SLC9A9: variants seen among roughly 807,000 people sequenced by gnomAD.
SLC9A9 encodes sodium/hydrogen exchanger 9.
A neutral mutation model predicts 77.8 loss-of-function variants in SLC9A9; 62 were observed. The ratio of observed to expected loss-of-function variants is 0.80; its 90% CI spans 0.65 to 0.98. The LOEUF is 0.98. Among genes scored for constraint, SLC9A9 ranks in the 50% least tolerant of loss-of-function variants. The pLI, the probability that SLC9A9 is intolerant of heterozygous loss-of-function variation, is 0.00. For synonymous variants in SLC9A9, 320 were observed against 283.5 expected, an observed-to-expected ratio of 1.13 and a Z score of -1.29; for missense variants, 775 against 774.9, an observed-to-expected ratio of 1.00 and a Z score of 0.00.
intron 12 of SLC9A9, among the ~76,000 whole-genome samples, chr3:143,443,234 C>G (rs1338376355): frequency 1.3e-5 from 2 of 152,196 alleles, no homozygotes; most frequent in South Asian, 2.1e-4. Context: ...GGTTTAAAAT[C>G]ATTTGTCTCA....
At chr3:143,338,485 G>A (rs566685721) in intron 14 of SLC9A9, among the ~76,000 whole-genome samples, 12 of 152,200 alleles carry the variant, frequency 7.9e-5, no homozygotes, top group South Asian at 2.1e-4. Context: ...TAGACAGCTC[G>A]GTTTAATCAT....
At chr3:143,489,894 A>C (rs2035711147) in intron 11 of SLC9A9, among the ~76,000 whole-genome samples, 1 of 152,140 alleles carries the variant, frequency 6.6e-6, no homozygotes, top group South Asian at 2.1e-4. Context: ...AAATACACAA[A>C]TGGCTAGTAA....
At chr3:143,278,679 C>CG (rs111317732) in intron 14 of SLC9A9, among the ~76,000 whole-genome samples, 11,283 of 152,144 alleles carry the variant, frequency 0.074, 592 homozygotes, top group East Asian at 0.21. Context: ...CTTAGGGGCC[C>CG]GCCCTGTTCC....
intron 11 of SLC9A9, among the ~76,000 whole-genome samples, chr3:143,470,759 C>A (rs547985131): frequency 1.3e-5 from 2 of 152,096 alleles, no homozygotes; most frequent in East Asian, 1.9e-4. Flanking sequence ...ATATTAAGGG[C>A]AAGGAGGTAA....
At chr3:143,627,302 T>C (rs535913236) in intron 6 of SLC9A9, 2 of 194,994 alleles carry the variant, frequency 1.0e-5, no homozygotes, top group South Asian at 2.2e-4. Flanking sequence ...TTATACATGG[T>C]GCACTTACAG....
intron 12 of SLC9A9, among the ~76,000 whole-genome samples, chr3:143,389,180 AC>A (rs2033496060): frequency 6.6e-6 from 1 of 152,192 alleles, no homozygotes; most frequent in African/African-American, 2.4e-5. Context: ...TGAAATAATT[AC>A]ATTTATGTTT....
intron 4 of SLC9A9, among the ~76,000 whole-genome samples, chr3:143,777,548 A>T (rs957521417): frequency 2.6e-5 from 4 of 152,162 alleles, no homozygotes; most frequent in African/African-American, 9.7e-5. Flanking sequence ...TAAAGCTATA[A>T]CATAAAAATG....
chr3:143,443,270 T>G (rs553241603), intron 12 of SLC9A9, among the ~76,000 whole-genome samples: 1 of 152,224 alleles, frequency 6.6e-6, no homozygotes, highest in Non-Finnish European at 1.5e-5. Context: ...TTGTGACTTC[T>G]CAAAGCCACA....
rs1392368026 is a variant in SLC9A9, at chr3:143,266,749, A to G, written c.1891T>C (p.Tyr631His). Reference sequence around the variant, plus strand: ...AAAGTTTGCTCAAGCTTGAGTTCATAGCCTCCCAGGCCGAGGTCTCCCTCA... The same window carrying G: ...AAAGTTTGCTCAAGCTTGAGTTCATGGCCTCCCAGGCCGAGGTCTCCCTCA... ...IYEGDLGLGGYELKLEQTLGQ... is the reference protein window; with the variant it reads ...IYEGDLGLGGHELKLEQTLGQ... The change falls in exon 16 of 16, where the codon TAT becomes CAT. Residue 631 changes from tyrosine (Y) to histidine (H), a missense_variant. By Grantham distance (83) the Tyr-to-His change is moderately conservative (BLOSUM62 2). Coordinates refer to ENST00000316549, the MANE Select transcript of SLC9A9 (RefSeq NM_173653.4). 6.2e-7 allele frequency: 1 copy of G among 1,614,062 alleles called. No homozygotes were observed. Among genetic ancestry groups the G allele is most frequent in the Non-Finnish European group, 8.5e-7 (1 of 1,180,040 alleles).
chr3:143,324,386 C>T (rs574767518), intron 14 of SLC9A9, among the ~76,000 whole-genome samples: 19 of 152,318 alleles, frequency 1.2e-4, no homozygotes, highest in African/African-American at 4.6e-4. Flanking sequence ...TCAGTTGCAG[C>T]CAGGGACCTT....
chr3:143,333,092 G>A (rs1176219258), intron 14 of SLC9A9, among the ~76,000 whole-genome samples: 2 of 152,096 alleles, frequency 1.3e-5, no homozygotes, highest in African/African-American at 4.8e-5. Flanking sequence ...TCAAAACAAG[G>A]TCATCCTTAC....
chr3:143,556,358 C>T (rs993933206), intron 8 of SLC9A9, among the ~76,000 whole-genome samples: 3 of 152,194 alleles, frequency 2.0e-5, no homozygotes, highest in Non-Finnish European at 4.4e-5. Context: ...GTGATCCTGG[C>T]ACAGGGGCCC....
At chr3:143,493,995 G>A (rs1163414869) in intron 10 of SLC9A9, among the ~76,000 whole-genome samples, 3 of 152,124 alleles carry the variant, frequency 2.0e-5, no homozygotes, top group Non-Finnish European at 4.4e-5. Context: ...CTTTAAAATT[G>A]TTAGCCCAAT....
intron 6 of SLC9A9, among the ~76,000 whole-genome samples, chr3:143,598,589 C>A (rs1469395180): frequency 1.3e-5 from 2 of 152,194 alleles, no homozygotes; most frequent in African/African-American, 2.4e-5. Flanking sequence ...AAAAAGACAC[C>A]GTCTTCCTCC....
chr3:143,583,616 T>C (rs1435377289), intron 6 of SLC9A9, among the ~76,000 whole-genome samples: 1 of 152,228 alleles, frequency 6.6e-6, no homozygotes, highest in Non-Finnish European at 1.5e-5. Context: ...TATCTCAGTT[T>C]CTATAAAATG....
intron 10 of SLC9A9, among the ~76,000 whole-genome samples, chr3:143,494,453 T>C (rs980388495): frequency 1.3e-5 from 2 of 152,204 alleles, no homozygotes; most frequent in South Asian, 4.1e-4. Context: ...CCTTTTAAAA[T>C]CCAGGTTTTG....
At chr3:143,760,779 T>C (rs978660791) in intron 4 of SLC9A9, among the ~76,000 whole-genome samples, 13 of 152,198 alleles carry the variant, frequency 8.5e-5, no homozygotes, top group African/African-American at 3.1e-4. Flanking sequence ...AGGTAATTTA[T>C]AGATTCAATG....
At chr3:143,647,222 C>T (rs934277922) in intron 6 of SLC9A9, among the ~76,000 whole-genome samples, 11 of 152,080 alleles carry the variant, frequency 7.2e-5, no homozygotes, top group African/African-American at 2.7e-4. Flanking sequence ...GTAACTTGCC[C>T]AAGGTAACGT....
intron 14 of SLC9A9, among the ~76,000 whole-genome samples, chr3:143,297,194 G>A (rs899495941): frequency 1.3e-5 from 2 of 152,198 alleles, no homozygotes; most frequent in Non-Finnish European, 2.9e-5. Context: ...ATTTTTGTGT[G>A]TGTGTGGTGT....
Sources: allele counts gnomAD v4.1 joint callset (sites outside exome capture counted in the v4.1 genomes callset), GRCh38; gene constraint gnomAD v4.1.1; transcripts MANE v1.5; gene names NCBI Gene and HGNC (gene_info 2026-07-23, HGNC 2026-07-21).